Variants in BDH1 observed in about 807,000 individuals in gnomAD.
The protein encoded by BDH1 is D-beta-hydroxybutyrate dehydrogenase, mitochondrial.
A neutral mutation model predicts 33.1 loss-of-function variants in BDH1; 30 were observed. That is an observed-to-expected ratio of 0.91 (90% CI 0.68 to 1.23). The LOEUF (loss-of-function observed/expected upper bound fraction) is 1.23. BDH1 is among the 50% of genes most tolerant of loss of function. BDH1 has a pLI of 0.00. For synonymous variants in BDH1, 190 were observed against 183.6 expected, an observed-to-expected ratio of 1.03 and a Z score of -0.28; for missense variants, 443 against 464.4, an observed-to-expected ratio of 0.95 and a Z score of 0.42.
chr3:197,569,971 A>T (rs1203509451), intron 1 of BDH1, among the ~76,000 whole-genome samples: 1 of 152,252 alleles, frequency 6.6e-6, no homozygotes, highest in Admixed American at 6.5e-5. Context: ...AAAATGTGAA[A>T]AAGTTTGGAA....
chr3:197,550,374 T>C (rs113438014), intron 2 of BDH1, among the ~76,000 whole-genome samples: 14,966 of 152,112 alleles, frequency 0.098, 888 homozygotes, highest in African/African-American at 0.16. Context: ...TGGCGACCAG[T>C]TCTCCTCCGA....
rs915086005 is a variant in BDH1 at position 197,526,395 on chromosome 3, C to T, written c.268-3614G>A. On this transcript the variant is annotated intron_variant, in intron 5 of 7. Transcript: ENST00000392379. This position sits in a 1 kb window ranked among gnomAD's most constrained non-coding sequence, Gnocchi z 4.7. Reference sequence around the variant, plus strand: ...AGCAAATTAGGGGCAAGACTGTAGTCGTCTGAGGCTGGCTAATGTCTGCTG... The same window carrying T: ...AGCAAATTAGGGGCAAGACTGTAGTTGTCTGAGGCTGGCTAATGTCTGCTG... 4.6e-5 allele frequency among the ~76,000 whole-genome samples: 7 copies of T among 152,184 alleles called. No homozygotes were observed. Among genetic ancestry groups the T allele is most frequent in the Middle Eastern group, 3.2e-3 (1 of 316 alleles).
rs1712802085 is a variant in BDH1, at chr3:197,516,995, T to A, written c.410-2579A>T. 6.6e-6 allele frequency among the ~76,000 whole-genome samples: 1 copy of A among 152,054 alleles called. No homozygotes were observed. Among genetic ancestry groups the A allele is most frequent in the Non-Finnish European group, 1.5e-5 (1 of 67,990 alleles). On this transcript the variant is annotated intron_variant, in intron 6 of 7. Transcript: ENST00000392379. This position sits in a 1 kb window ranked among gnomAD's most constrained non-coding sequence, Gnocchi z 4.2. ...CAGCTAACAGGCAGGGAGGGTGGGA[T>A]TTGGACCCAGATCTCTCTGAGGACA...
At chr3:197,570,457 T>G (rs891872808) in intron 1 of BDH1, among the ~76,000 whole-genome samples, 7 of 152,182 alleles carry the variant, frequency 4.6e-5, no homozygotes, top group Non-Finnish European at 8.8e-5. Flanking sequence ...CCCCCTCCCA[T>G]CACAGGCCTA....
chr3:197,548,577 G>A (rs902886702), intron 2 of BDH1, among the ~76,000 whole-genome samples: 4 of 151,996 alleles, frequency 2.6e-5, no homozygotes, highest in African/African-American at 9.7e-5. Context: ...TTGGCCAGGC[G>A]TGGTGGCTCA....
At chr3:197,539,829 T>G (rs1272992985) in intron 3 of BDH1, among the ~76,000 whole-genome samples, 2 of 152,214 alleles carry the variant, frequency 1.3e-5, no homozygotes, top group Non-Finnish European at 2.9e-5. Flanking sequence ...CAAATTATCC[T>G]TAAAAACTCT....
At chr3:197,534,679 C>T (rs71325617) in intron 3 of BDH1, among the ~76,000 whole-genome samples, 6,718 of 152,206 alleles carry the variant, frequency 0.044, 201 homozygotes, top group Non-Finnish European at 0.058. Context: ...GGCTATAGTA[C>T]GCTACAGCCC....
rs893756970 is a variant in BDH1 at position 197,520,288 on chromosome 3, CAA to C, written c.409+2350_409+2351del. Among the ~76,000 whole-genome samples, 1 of 142,666 alleles carries C rather than the reference CAA, an allele frequency of 7.0e-6. No homozygotes were observed. The allele number at this position is 142,666 out of a possible 152,430, so 93.6% of individuals were successfully genotyped here. On this transcript the variant is annotated intron_variant, in intron 6 of 7. Transcript: ENST00000392379. This position sits in a 1 kb window ranked among gnomAD's most constrained non-coding sequence, Gnocchi z 6.0. Reference sequence around the variant, plus strand: ...ACCTAAAAGTCTTCAAATCCTTTTCCAAAAAAAAAAAATGCAGTATCGGTTAA... The same window carrying C: ...ACCTAAAAGTCTTCAAATCCTTTTCCAAAAAAAAAATGCAGTATCGGTTAA...
rs530977130 is a variant in BDH1, at chr3:197,565,025, C to T, written c.-44+8156G>A. ...GCAACCTCCACCTCCAAGGTTCAAG[C>T]GATTCTCCTGCCTCAGCCTCCCTAG... On this transcript the variant is annotated intron_variant, in intron 1 of 6. Transcript: ENST00000358186. Among the ~76,000 whole-genome samples, 6 of 152,282 alleles carry T rather than the reference C, an allele frequency of 3.9e-5. No homozygotes were observed. The East Asian group carries it at 5.8e-4, about 15-fold the overall frequency.
At chr3:197,572,189 A>G (rs1235283234) in intron 1 of BDH1, among the ~76,000 whole-genome samples, 1 of 152,142 alleles carries the variant, frequency 6.6e-6, no homozygotes, top group Non-Finnish European at 1.5e-5. Flanking sequence ...AACTCCCCAG[A>G]CCTTCACAAA....
chr3:197,517,511 A>AC (rs1223500667), intron 6 of BDH1, among the ~76,000 whole-genome samples: 7 of 10,784 alleles, frequency 6.5e-4, no homozygotes, highest in Admixed American at 2.6e-3. Context: ...CTTCAGGCCG[A>AC]CCCCCCCATC....
intron 2 of BDH1, among the ~76,000 whole-genome samples, chr3:197,547,941 C>A (rs1289676390): frequency 6.6e-6 from 1 of 152,258 alleles, no homozygotes; most frequent in Non-Finnish European, 1.5e-5. Context: ...AGATCACTCT[C>A]ATAGCAGCTA....
Position 197,569,005 on chromosome 3 carries a change from T to A in BDH1, c.-44+4176A>T, listed in dbSNP as rs113621783. On this transcript the variant is annotated intron_variant, in intron 1 of 6. Transcript: ENST00000358186. Reference sequence around the variant, plus strand: ...GCCCTCTATGCATTATTTCACTTACTTTTGCAACAATTCTAAAAGTAGCCT... The same window carrying A: ...GCCCTCTATGCATTATTTCACTTACATTTGCAACAATTCTAAAAGTAGCCT... Among the ~76,000 whole-genome samples, 724 of 152,354 alleles carry A rather than the reference T, an allele frequency of 4.8e-3. 5 individuals carry two copies. The highest frequency in any genetic ancestry group is 0.015 in the African/African-American group (627 of 41,580).
At chr3:197,545,185 T>C (rs564504655) in intron 3 of BDH1, among the ~76,000 whole-genome samples, 1 of 152,304 alleles carries the variant, frequency 6.6e-6, no homozygotes, top group African/African-American at 2.4e-5. Context: ...TTCTTGTTTT[T>C]TCCTTGCTCA....
chr3:197,559,189 G>T (rs2108772132), upstream of BDH1, among the ~76,000 whole-genome samples: 1 of 152,018 alleles, frequency 6.6e-6, no homozygotes, highest in South Asian at 2.1e-4. Flanking sequence ...TAGTAGAGAT[G>T]GGGTTTCACC....
At chr3:197,546,634 T>G in intron 2 of BDH1, 148 bp from the exon 3 acceptor site, 1 of 584,264 alleles carries the variant, frequency 1.7e-6, no homozygotes. Context: ...TAGTCCACTC[T>G]GGTTCCTCTC....
upstream of BDH1, among the ~76,000 whole-genome samples, chr3:197,560,885 T>G (rs916992151): frequency 3.9e-5 from 6 of 152,250 alleles, no homozygotes; most frequent in Non-Finnish European, 7.3e-5. Flanking sequence ...TGTAACCATT[T>G]GTCTCTCACC....
In BDH1 at chr3:197,526,088, C is replaced by T. The variant is rs1229800896; in HGVS notation, c.268-3307G>A. 2.0e-5 allele frequency among the ~76,000 whole-genome samples: 3 copies of T among 152,226 alleles called. No homozygotes were observed. The highest frequency in any genetic ancestry group is 6.5e-5 in the Admixed American group (1 of 15,282). On this transcript the variant is annotated intron_variant, in intron 5 of 7. Coordinates refer to ENST00000392379, the MANE Select transcript of BDH1 (RefSeq NM_203314.3). The surrounding 1 kb of genome is among the most constrained non-coding windows in gnomAD (Gnocchi z 4.7). ...TTTTTTCCAGCCCTGGATGAAACTT[C>T]AGGCAAGTTGTATAGCTTTTCCACT...
At chr3:197,543,555 C>A (rs1211820808) in intron 3 of BDH1, among the ~76,000 whole-genome samples, 1 of 152,222 alleles carries the variant, frequency 6.6e-6, no homozygotes, top group Non-Finnish European at 1.5e-5. Context: ...CCATGGGGAG[C>A]CAGTAAGCAC....
Sources: gnomAD v4.1 joint callset for allele counts (sites outside exome capture counted in the v4.1 genomes callset) on GRCh38, gnomAD v4.1.1 for gene constraint, Gnocchi (gnomAD v3.1) non-coding constraint, MANE v1.5 for transcripts, NCBI Gene and HGNC (gene_info 2026-07-23, HGNC 2026-07-21) for gene names.